Variants in ORC1 observed in about 807,000 individuals in gnomAD.
ORC1 encodes the protein origin recognition complex, subunit 1 homolog.
Under a neutral mutation model 98.9 loss-of-function variants are expected in ORC1, and 61 were observed. That is an observed-to-expected ratio of 0.62 (90% CI 0.50 to 0.76). The LOEUF (loss-of-function observed/expected upper bound fraction) is 0.76. ORC1 is among the 30% of genes least tolerant of loss of function. ORC1 has a pLI of 0.00. For missense variants in ORC1, 979 were observed against 1,072.2 expected (o/e 0.91, Z 1.21); for synonymous variants, 385 against 406.9 (o/e 0.95, Z 0.65).
chr1:52,402,034 G>C, intron 2 of ORC1, 95 bp downstream of exon 2: 1 of 905,094 alleles, frequency 1.1e-6, no homozygotes, highest in South Asian at 1.4e-5. Flanking sequence ...TTCATTCATG[G>C]TCAATCTGTA....
Position 52,373,026 on chromosome 1 carries a change from G to T in ORC1, c.*155C>A. ...ATGTGCCTGTAGTTTCAGCCACCTG[G>T]GAGGATGAGGTTGGGGGGTCACCTA... On this transcript the variant is annotated 3_prime_UTR_variant, in exon 17 of 17. Transcript: ENST00000371568. The T allele has an allele frequency of 1.2e-6, 1 of 800,512 alleles. No individual in the cohort carries two copies. The highest frequency in any genetic ancestry group is 2.2e-6 in the Non-Finnish European group (1 of 457,544). 49.6% of individuals were successfully genotyped at this position (800,512 alleles called of 1,614,324 possible).
intron 10 of ORC1, among the ~76,000 whole-genome samples, 161 bp downstream of exon 10, chr1:52,385,000 A>G (rs1263437768): frequency 1.3e-5 from 2 of 152,216 alleles, no homozygotes; most frequent in Non-Finnish European, 2.9e-5. Flanking sequence ...CTATAGGATT[A>G]CTTTGGCAAC....
intron 13 of ORC1, among the ~76,000 whole-genome samples, chr1:52,382,341 T>A (rs1225702621): frequency 6.6e-6 from 1 of 152,068 alleles, no homozygotes; most frequent in Non-Finnish European, 1.5e-5. Context: ...TCTATCAGAA[T>A]CATTTGGAAG....
chr1:52,373,645 T>C (rs182137707), intron 16 of ORC1, among the ~76,000 whole-genome samples: 7 of 152,314 alleles, frequency 4.6e-5, no homozygotes, highest in Admixed American at 4.6e-4. Flanking sequence ...CTTTTGAGCT[T>C]CAATTTTATC....
rs966535043 is a variant in ORC1, at chr1:52,375,573, T to C, written c.2160A>G (p.Arg720=). The C allele has an allele frequency of 6.8e-6, 11 of 1,613,990 alleles. No individual in the cohort carries two copies. The African/African-American group carries it at 9.3e-5, about 14-fold the overall frequency. The change falls in exon 15 of 17, where the codon CGA becomes CGG. Residue 720 remains arginine (R), a synonymous_variant. Transcript: ENST00000371568. Reference sequence around the variant, plus strand: ...CACGCCTGCAGATGTCCAGGCACCGTCGTGCATCTCCAGACAGTGCTGCTA... The same window carrying C: ...CACGCCTGCAGATGTCCAGGCACCGCCGTGCATCTCCAGACAGTGCTGCTA... ...RKVAALSGDA[R]RCLDICRRAT...
intron 14 of ORC1, 80 bp downstream of exon 14, chr1:52,381,562 G>A (rs1027658708): frequency 1.4e-6 from 2 of 1,462,008 alleles, no homozygotes; most frequent in African/African-American, 1.4e-5. Flanking sequence ...CAACCTCAGA[G>A]CACCAGCATA....
At chr1:52,405,029 C>A, upstream of ORC1, 2 of 818,440 alleles carry the variant, frequency 2.4e-6, no homozygotes, top group Non-Finnish European at 3.9e-6. Flanking sequence ...CTGCTAAGTG[C>A]CTCGTCTTGT....
chr1:52,388,024 A>G (rs1647165862), intron 8 of ORC1, among the ~76,000 whole-genome samples: 2 of 152,184 alleles, frequency 1.3e-5, no homozygotes, highest in Non-Finnish European at 1.5e-5. Flanking sequence ...TTGCTGTGAC[A>G]TGATTTGTTA....
chr1:52,393,804 C>T lies in ORC1; in HGVS notation c.722-1G>A, dbSNP rs1269469194. 3 of 1,612,004 alleles carry T rather than the reference C, an allele frequency of 1.9e-6. No homozygotes were observed. The African/African-American group carries it at 4.0e-5, about 22-fold the overall frequency. On this transcript the variant is annotated splice_acceptor_variant, in intron 5 of 16. Transcript: ENST00000371568. LOFTEE classifies it high-confidence loss of function. ...TGGGACATCTGAGGGTTACCTAAGT[C>T]TAAGAGAAATCATCACAATGTGTAA... is the stretch of plus-strand genomic sequence containing the variant.
chr1:52,392,959 C>G (rs1002109509), intron 6 of ORC1, among the ~76,000 whole-genome samples: 1 of 152,188 alleles, frequency 6.6e-6, no homozygotes, highest in African/African-American at 2.4e-5. Context: ...ACAATGTACA[C>G]TGGTCAGGTG....
Position 52,396,314 on chromosome 1 carries a change from C to A in ORC1, c.453G>T (p.Glu151Asp). ...AGGATAGTTTCACAAAGAGTGTCTTCTCATTTTTCAGATTCGTCGGTACCA... is the reference window on the plus strand; with the variant it reads ...AGGATAGTTTCACAAAGAGTGTCTTATCATTTTTCAGATTCGTCGGTACCA... Reference protein sequence around the residue: ...KDVVPTNLKNEKTLFVKLSWN... With the variant: ...KDVVPTNLKNDKTLFVKLSWN... The change falls in exon 5 of 17, where the codon GAG becomes GAT. Residue 151 changes from glutamate (E) to aspartate (D), a missense_variant. Coordinates refer to ENST00000371568, the MANE Select transcript of ORC1 (RefSeq NM_004153.4). 6.2e-7 allele frequency: 1 copy of A among 1,614,114 alleles called. No individual in the cohort carries two copies. The highest frequency in any genetic ancestry group is 8.5e-7 in the Non-Finnish European group (1 of 1,180,002).
At chr1:52,388,365 T>C in intron 8 of ORC1, 77 bp downstream of exon 8, 1 of 1,155,476 alleles carries the variant, frequency 8.7e-7, no homozygotes, top group Non-Finnish European at 1.3e-6. Context: ...CTGTTACTAA[T>C]CTGTGACTTC....
Position 52,385,186 on chromosome 1 carries a change from T to C in ORC1, c.1558A>G (p.Ser520Gly), listed in dbSNP as rs2147925558. Residue 520 changes from serine to glycine, a missense_variant, in exon 10 of 17, where the codon AGC (serine) becomes GGC (glycine). Ser to Gly is a moderately conservative substitution (Grantham distance 56). Coordinates refer to ENST00000371568, the MANE Select transcript of ORC1 (RefSeq NM_004153.4). ...EFQDIYNFVE[S>G]KLLDHTGGCM... ...CCTCCGGTATGGTCAAGGAGTTTGC[T>C]TTCCACAAAATTGTAGATGTCTTGG... The C allele has an allele frequency of 1.2e-6, 2 of 1,613,758 alleles. No individual in the cohort carries two copies. Among genetic ancestry groups the C allele is most frequent in the East Asian group, 2.2e-5 (1 of 44,880 alleles).
intron 9 of ORC1, 73 bp from the exon 10 acceptor site, chr1:52,385,335 G>A: frequency 2.1e-6 from 2 of 962,826 alleles, no homozygotes; most frequent in Admixed American, 1.7e-5. Context: ...ATTAATCAAT[G>A]GAAAATGATT....
At chr1:52,406,864 T>C (rs1234439588), upstream of ORC1, among the ~76,000 whole-genome samples, 1 of 152,194 alleles carries the variant, frequency 6.6e-6, no homozygotes, top group Non-Finnish European at 1.5e-5. Context: ...TTGCCCAAGT[T>C]CAAACAGCTA....
rs555530425 is a variant in ORC1, at chr1:52,378,982, G to A, written c.2133+2660C>T. ...CAAGAGGTGGAGGTTGCAGTGAGCCGAGATTGTGCCACTGCACTCCAGCCT... is the reference window on the plus strand; with the variant it reads ...CAAGAGGTGGAGGTTGCAGTGAGCCAAGATTGTGCCACTGCACTCCAGCCT... On this transcript the variant is annotated intron_variant, in intron 14 of 16. Coordinates refer to ENST00000371568, the MANE Select transcript of ORC1 (RefSeq NM_004153.4). Among the ~76,000 whole-genome samples the A allele has an allele frequency of 4.8e-4, 73 of 150,610 alleles. No homozygotes were observed. In the Middle Eastern group the frequency reaches 0.014, roughly 30 times the overall value.
Position 52,373,107 on chromosome 1 carries a change from G to A in ORC1, c.*74C>T. ...TGATCGTGCCACTGCACTCCAGCCT[G>A]GGCGACAGAGCAAGACCCTGTCTCA... On this transcript the variant is annotated 3_prime_UTR_variant, in exon 17 of 17. Coordinates refer to ENST00000371568, the MANE Select transcript of ORC1 (RefSeq NM_004153.4). 2 of 1,475,358 alleles carry A rather than the reference G, an allele frequency of 1.4e-6. No individual in the cohort carries two copies. The highest frequency in any genetic ancestry group is 1.1e-5 in the South Asian group (1 of 87,602). 91.4% of individuals were successfully genotyped at this position (1,475,358 alleles called of 1,614,324 possible). A position where few individuals can be genotyped will look rare whatever the true frequency, so the allele number is the denominator to read the frequency against.
At chr1:52,383,702 G>T in intron 12 of ORC1, 128 bp downstream of exon 12, 1 of 1,281,942 alleles carries the variant, frequency 7.8e-7, no homozygotes, top group Non-Finnish European at 1.1e-6. Context: ...ATTGACACAC[G>T]CCTCTCAGCA....
At chr1:52,408,810 GTC>G (rs1331646593), upstream of ORC1, 166 of 1,265,504 alleles carry the variant, frequency 1.3e-4, no homozygotes, top group Middle Eastern at 1.3e-3. Flanking sequence ...CATTGTTACT[GTC>G]TCTATGCAGG....
Sources: gnomAD v4.1 joint callset for allele counts (sites outside exome capture counted in the v4.1 genomes callset) on GRCh38, gnomAD v4.1.1 for gene constraint, MANE v1.5 for transcripts, NCBI Gene and HGNC (gene_info 2026-07-23, HGNC 2026-07-21) for gene names.